The following DST variants were observed in gnomAD, a reference collection of about 807,000 sequenced individuals.
DST encodes bullous pemphigoid antigen.
A neutral mutation model predicts 875.2 loss-of-function variants in DST; 253 were observed. The ratio of observed to expected loss-of-function variants is 0.29; its 90% CI spans 0.26 to 0.32. The LOEUF (loss-of-function observed/expected upper bound fraction) is 0.32, where lower values mean the gene tolerates loss of function less well. Ranked by LOEUF, DST falls within the 10% of genes least tolerant of loss-of-function variation. The probability of loss-of-function intolerance (pLI) is 1.00; values close to 1 mark genes in which losing one functional copy is unlikely to be tolerated. For synonymous variants in DST, 3,124 were observed against 3,197.1 expected, an observed-to-expected ratio of 0.98 and a Z score of 0.77; for missense variants, 8,287 against 9,111.6, an observed-to-expected ratio of 0.91 and a Z score of 3.68.
At chr6:56,511,133 A>C in intron 73 of DST, 64 bp downstream of exon 73, 1 of 1,359,944 alleles carries the variant, frequency 7.4e-7, no homozygotes, top group South Asian at 1.3e-5. Flanking sequence ...GAAATCCAGG[A>C]AAATGTCTTT....
At chr6:56,775,224 A>C (rs1168071780) in intron 4 of DST, among the ~76,000 whole-genome samples, 1 of 152,134 alleles carries the variant, frequency 6.6e-6, no homozygotes, top group Non-Finnish European at 1.5e-5. Context: ...GCCTCTCCTC[A>C]TCCTCTTCAG....
intron 98 of DST, chr6:56,467,368 G>A (rs926052746): frequency 6.6e-6 from 1 of 152,072 alleles, no homozygotes; most frequent in African/African-American, 2.4e-5. Context: ...CTAAAACTCA[G>A]AAGGACCTAG....
rs148116284 is a variant in DST at position 56,617,148 on chromosome 6, G to A, written c.4930-2664C>T. On this transcript the variant is annotated intron_variant, in intron 36 of 103. Coordinates refer to ENST00000680361, the MANE Select transcript of DST (RefSeq NM_001374736.1). ...AGCTGCTCAATTGTTCTCATGTCCA[G>A]AAGCTTAGCTTCCACCAACTGCCTG... is the stretch of plus-strand genomic sequence containing the variant. 1 of 1,604,746 alleles carries A rather than the reference G, an allele frequency of 6.2e-7. No individual in the cohort carries two copies.
At chr6:56,880,940 T>C (rs1781883569) in intron 3 of DST, among the ~76,000 whole-genome samples, 1 of 139,060 alleles carries the variant, frequency 7.2e-6, no homozygotes, top group Non-Finnish European at 1.5e-5. Flanking sequence ...CTCCGCCTCC[T>C]GGGTTCATGC....
At chr6:56,816,469 T>G (rs948791491) in intron 4 of DST, among the ~76,000 whole-genome samples, 3 of 152,194 alleles carry the variant, frequency 2.0e-5, no homozygotes, top group African/African-American at 7.2e-5. Flanking sequence ...TAAAGAGATT[T>G]AGAAGAGCAC....
At chr6:56,710,636 G>T (rs1354297380) in intron 5 of DST, among the ~76,000 whole-genome samples, 1 of 152,038 alleles carries the variant, frequency 6.6e-6, no homozygotes, top group Non-Finnish European at 1.5e-5. Context: ...ATTAATTATT[G>T]ATAAGAAAAT....
chr6:56,511,246 A>C lies in DST; in HGVS notation c.18731T>G (p.Val6244Gly). The stretch of plus-strand genomic sequence containing the variant: ...ATCCAGTGCCACAGCACGCTTTTTG[A>C]CATCTTCTTTAATTTGACTGTAAAG... ...DTLYSQIKED[V>G]KKRAVALDEA... The change falls in exon 73 of 104, where the codon GTC (valine) becomes GGC (glycine). Residue 6244 changes from valine (V) to glycine (G), a missense_variant. Physicochemically the swap from Val to Gly is moderately radical, Grantham distance 109. This residue lies in a region of DST where 1,292 missense variants were observed against 1,552.7 expected (regional missense o/e 0.83). Transcript: ENST00000680361. The C allele has an allele frequency of 6.3e-7, 1 of 1,595,680 alleles. No individual in the cohort carries two copies. The highest frequency in any genetic ancestry group is 8.5e-7 in the Non-Finnish European group (1 of 1,170,028).
chr6:56,571,309 G>C (rs2097777985), intron 53 of DST, among the ~76,000 whole-genome samples: 1 of 152,164 alleles, frequency 6.6e-6, no homozygotes, highest in African/African-American at 2.4e-5. Flanking sequence ...AAACAACCTA[G>C]AGATCACCTA....
Position 56,506,773 on chromosome 6 carries a change from A to G in DST, c.19256T>C (p.Ile6419Thr). 1 of 1,612,080 alleles carries G rather than the reference A, an allele frequency of 6.2e-7. No individual in the cohort carries two copies. Among genetic ancestry groups the G allele is most frequent in the Non-Finnish European group, 8.5e-7 (1 of 1,179,258 alleles). The change falls in exon 76 of 104, where the codon ATA becomes ACA. Residue 6419 changes from isoleucine (I) to threonine (T), a missense_variant. By Grantham distance (89) the Ile-to-Thr change is moderately conservative (BLOSUM62 -1). Coordinates refer to ENST00000680361, the MANE Select transcript of DST (RefSeq NM_001374736.1). ...QEAAETIREE[I>T]DGLQEELDIV... Reference sequence around the variant, plus strand: ...ATCCAGCTCCTCCTGTAGTCCATCTATTTCTTCCCTTATGGTCTAGAATAA... The same window carrying G: ...ATCCAGCTCCTCCTGTAGTCCATCTGTTTCTTCCCTTATGGTCTAGAATAA...
intron 10 of DST, among the ~76,000 whole-genome samples, chr6:56,670,195 T>A (rs1453583046): frequency 6.6e-6 from 1 of 151,070 alleles, no homozygotes; most frequent in African/African-American, 2.4e-5. Context: ...TTCAGAATCA[T>A]GGCCTCTAAG....
At position 56,555,581 on chromosome 6, in the gene DST, T is replaced by C; in HGVS notation, c.14900A>G (p.Asp4967Gly). ...RSLSDKLSDL[D>G]NKLSSSLAVS... The stretch of plus-strand genomic sequence containing the variant: ...AGCCAGACTGCTGCTGAGTTTATTA[T>C]CCAAGTCACTCAGTTTATCAGAAAG... The change falls in exon 60 of 104, where the codon GAT becomes GGT. Residue 4967 changes from aspartate to glycine, a missense_variant. Asp to Gly is a moderately conservative substitution (Grantham distance 94, BLOSUM62 -1). Coordinates refer to ENST00000680361, the MANE Select transcript of DST (RefSeq NM_001374736.1). 1.9e-6 allele frequency: 3 copies of C among 1,614,036 alleles called. No homozygotes were observed. Among genetic ancestry groups the C allele is most frequent in the Non-Finnish European group, 2.5e-6 (3 of 1,179,900 alleles).
chr6:56,842,864 G>A (rs967880279), intron 4 of DST, among the ~76,000 whole-genome samples: 1 of 152,162 alleles, frequency 6.6e-6, no homozygotes, highest in Non-Finnish European at 1.5e-5. Context: ...TCTCCGGACT[G>A]TCGCCCACCC....
chr6:56,831,085 AT>A (rs2099786368), intron 4 of DST, among the ~76,000 whole-genome samples: 1 of 152,180 alleles, frequency 6.6e-6, no homozygotes, highest in Non-Finnish European at 1.5e-5. Context: ...ATTGTATCAT[AT>A]ATGTAAAAAA....
intron 15 of DST, chr6:56,642,839 AG>A (rs1188234224): frequency 6.2e-7 from 1 of 1,610,604 alleles, no homozygotes; most frequent in Non-Finnish European, 8.5e-7. Context: ...GTAGACTAAA[AG>A]GTAGGAGGTC....
intron 4 of DST, among the ~76,000 whole-genome samples, chr6:56,766,600 G>A (rs1398639247): frequency 2.7e-5 from 4 of 150,182 alleles, no homozygotes; most frequent in Non-Finnish European, 4.4e-5. Context: ...GCGTGATTTC[G>A]ACTCACTGCA....
Position 56,486,235 on chromosome 6 carries a change from C to T in DST, c.21048-764G>A, listed in dbSNP as rs370097873. On this transcript the variant is annotated intron_variant, in intron 87 of 103. Transcript: ENST00000680361. The stretch of plus-strand genomic sequence containing the variant: ...AAAATTAGCCGGGCGTAGTGGCGGA[C>T]GCCTGTGGTCCCAGCTGCTTGGGAG... Among the ~76,000 whole-genome samples, 23 of 151,748 alleles carry T rather than the reference C, an allele frequency of 1.5e-4. No individual in the cohort carries two copies. In the East Asian group the frequency reaches 3.5e-3, roughly 23 times the overall value.
Position 56,569,044 on chromosome 6 carries a change from C to T in DST, c.13879-449G>A, listed in dbSNP as rs558317426. ...TTACTTTTAAAAACACACACACGGT[C>T]GGGCGAGGTGGCTCACACCTGTAAT... On this transcript the variant is annotated intron_variant, in intron 54 of 103. Transcript: ENST00000680361. 4.0e-3 allele frequency among the ~76,000 whole-genome samples: 601 copies of T among 152,102 alleles called. 1 individual carries two copies. The highest frequency in any genetic ancestry group is 5.0e-3 in the African/African-American group (207 of 41,468).
chr6:56,720,906 T>C (rs1393400874), intron 5 of DST, among the ~76,000 whole-genome samples: 1 of 147,284 alleles, frequency 6.8e-6, no homozygotes, highest in Non-Finnish European at 1.5e-5. Flanking sequence ...GCAGAGGGGC[T>C]CCTCACTTCC....
At chr6:56,642,969 T>C (rs1279823666) in intron 15 of DST, 4 of 1,387,496 alleles carry the variant, frequency 2.9e-6, no homozygotes, top group Admixed American at 2.7e-5. Context: ...TGCTGATAAC[T>C]ATTCAAAAGA....
Sources: allele counts gnomAD v4.1 joint callset (sites outside exome capture counted in the v4.1 genomes callset), GRCh38; gene constraint gnomAD v4.1.1; regional missense constraint gnomAD v4.1.1; transcripts MANE v1.5; gene names NCBI Gene and HGNC (gene_info 2026-07-23, HGNC 2026-07-21).